Variants in RAB3C observed in about 807,000 individuals in gnomAD.
The protein encoded by RAB3C is RAB3C, member RAS oncogene family.
A neutral mutation model predicts 26.4 loss-of-function variants in RAB3C; 17 were observed. That is an observed-to-expected ratio of 0.64 (90% confidence interval 0.44 to 0.97). The LOEUF (loss-of-function observed/expected upper bound fraction) is 0.97, where lower values mean the gene tolerates loss of function less well. Among genes scored for constraint, RAB3C ranks in the 50% least tolerant of loss-of-function variants. RAB3C has a pLI of 0.00. For synonymous variants in RAB3C, 91 were observed against 95.9 expected (o/e 0.95, Z 0.30); for missense variants, 242 against 281.9 (o/e 0.86, Z 1.01).
At chr5:58,746,778 A>G (rs1187603441) in intron 3 of RAB3C, among the ~76,000 whole-genome samples, 2 of 152,234 alleles carry the variant, frequency 1.3e-5, no homozygotes, top group Admixed American at 6.5e-5. Flanking sequence ...AAATGTGGTG[A>G]CATATTCTGA....
At chr5:58,640,053 A>G (rs1209052167) in intron 2 of RAB3C, among the ~76,000 whole-genome samples, 1 of 152,186 alleles carries the variant, frequency 6.6e-6, no homozygotes. Flanking sequence ...TACTGCACAC[A>G]GGGGCATAAT....
At chr5:58,590,017 A>G (rs1263747438) in intron 1 of RAB3C, among the ~76,000 whole-genome samples, 3 of 152,196 alleles carry the variant, frequency 2.0e-5, no homozygotes, top group Non-Finnish European at 4.4e-5. Context: ...GACTGTCCAG[A>G]TCAAAGGCCA....
rs375014391 is a variant in RAB3C, at chr5:58,797,374, T to A, written c.372-27664T>A. ...AAAAAATATGTATATATATAATATA[T>A]ATATATATATATATATATATATACA... On this transcript the variant is annotated intron_variant, in intron 3 of 4. Coordinates refer to ENST00000282878, the MANE Select transcript of RAB3C (RefSeq NM_138453.4). Among the ~76,000 whole-genome samples the A allele has an allele frequency of 2.5e-3, 263 of 103,558 alleles. 3 individuals carry two copies. Among genetic ancestry groups the A allele is most frequent in the African/African-American group, 5.0e-3 (118 of 23,742 alleles). The allele number at this position is 103,558 out of a possible 152,430, so 67.9% of individuals were successfully genotyped here. A position where few individuals can be genotyped will look rare whatever the true frequency, so the allele number is the denominator to read the frequency against.
intron 3 of RAB3C, among the ~76,000 whole-genome samples, chr5:58,800,015 G>A (rs777073215): frequency 2.6e-5 from 4 of 152,174 alleles, no homozygotes; most frequent in Non-Finnish European, 5.9e-5. Flanking sequence ...TATATATGAA[G>A]TGATTAATCA....
At chr5:58,702,120 T>C (rs180684304) in intron 2 of RAB3C, among the ~76,000 whole-genome samples, 121 of 152,234 alleles carry the variant, frequency 7.9e-4, no homozygotes, top group Admixed American at 3.5e-3. Context: ...AAAATATATA[T>C]TTTACATCAT....
chr5:58,609,298 T>TTACATTTTACCTTCAGGAGCCC (rs1746641714), intron 1 of RAB3C, among the ~76,000 whole-genome samples: 3 of 152,114 alleles, frequency 2.0e-5, no homozygotes, highest in Non-Finnish European at 2.9e-5. Flanking sequence ...TTCATACTTT[T>TTACATTTTACCTTCAGGAGCCC]TACATTTTAC....
At chr5:58,807,734 A>T (rs1406254664) in intron 3 of RAB3C, among the ~76,000 whole-genome samples, 1 of 152,280 alleles carries the variant, frequency 6.6e-6, no homozygotes, top group South Asian at 2.1e-4. Flanking sequence ...TCCATATACC[A>T]TCACATTGGG....
At chr5:58,824,782 T>C (rs1439995103) in intron 3 of RAB3C, among the ~76,000 whole-genome samples, 1 of 152,194 alleles carries the variant, frequency 6.6e-6, no homozygotes, top group Non-Finnish European at 1.5e-5. Context: ...GAATCAGTAG[T>C]GGTATTAATC....
At chr5:58,711,854 A>G in intron 2 of RAB3C, among the ~76,000 whole-genome samples, 1 of 152,116 alleles carries the variant, frequency 6.6e-6, no homozygotes, top group South Asian at 2.1e-4. Flanking sequence ...CTCGGATACT[A>G]TAGTTTTAAA....
chr5:58,610,194 C>CTG (rs1168785442), intron 1 of RAB3C, among the ~76,000 whole-genome samples: 3,407 of 143,482 alleles, frequency 0.024, 131 homozygotes, highest in African/African-American at 0.08. Context: ...TTTTGTTTTT[C>CTG]TGTGTGTGTG....
At chr5:58,642,659 C>T (rs1479502936) in intron 2 of RAB3C, among the ~76,000 whole-genome samples, 1 of 152,188 alleles carries the variant, frequency 6.6e-6, no homozygotes, top group African/African-American at 2.4e-5. Flanking sequence ...GTGCTATTGA[C>T]TTGTGATGGA....
chr5:58,636,673 A>T (rs1747295926), intron 2 of RAB3C, among the ~76,000 whole-genome samples: 1 of 152,178 alleles, frequency 6.6e-6, no homozygotes, highest in South Asian at 2.1e-4. Flanking sequence ...AGAGGAACAA[A>T]ATGTGCCTGA....
At chr5:58,632,124 G>A (rs992290208) in intron 2 of RAB3C, among the ~76,000 whole-genome samples, 10 of 152,178 alleles carry the variant, frequency 6.6e-5, no homozygotes, top group African/African-American at 2.4e-4. Context: ...GTTTGCAGAT[G>A]GCCTGATCTC....
At chr5:58,777,452 T>C (rs1298822823) in intron 3 of RAB3C, among the ~76,000 whole-genome samples, 1 of 152,140 alleles carries the variant, frequency 6.6e-6, no homozygotes, top group South Asian at 2.1e-4. Flanking sequence ...TTACTTTTTT[T>C]AAGAAGCTTT....
intron 3 of RAB3C, among the ~76,000 whole-genome samples, chr5:58,804,347 TC>T (rs1333694550): frequency 1.3e-5 from 2 of 152,200 alleles, no homozygotes; most frequent in Non-Finnish European, 1.5e-5. Flanking sequence ...TCCTATTGCC[TC>T]CCCCAGGCCT....
intron 1 of RAB3C, among the ~76,000 whole-genome samples, chr5:58,616,588 G>T (rs1746829697): frequency 6.6e-6 from 1 of 152,140 alleles, no homozygotes; most frequent in African/African-American, 2.4e-5. Flanking sequence ...GTAATTGATT[G>T]TAGAGACCAT....
chr5:58,607,066 C>T (rs901013022), intron 1 of RAB3C, among the ~76,000 whole-genome samples: 11 of 152,092 alleles, frequency 7.2e-5, no homozygotes, highest in Non-Finnish European at 1.3e-4. Context: ...GAATGACTGA[C>T]GAGTTGACAG....
chr5:58,739,557 A>T (rs985226020), intron 3 of RAB3C, among the ~76,000 whole-genome samples: 6 of 152,204 alleles, frequency 3.9e-5, no homozygotes, highest in African/African-American at 1.4e-4. Flanking sequence ...TTAAAAAAAA[A>T]TTAGAAAAAA....
At chr5:58,839,349 T>TTTTATTTA (rs59909509) in intron 4 of RAB3C, among the ~76,000 whole-genome samples, 2,064 of 98,826 alleles carry the variant, frequency 0.021, 16 homozygotes, top group Non-Finnish European at 0.027. Context: ...TAAGTTTTTA[T>TTTTATTTA]TTTATTTATT....
Sources: gnomAD v4.1 joint callset for allele counts (sites outside exome capture counted in the v4.1 genomes callset) on GRCh38, gnomAD v4.1.1 for gene constraint, MANE v1.5 for transcripts, NCBI Gene and HGNC (gene_info 2026-07-23, HGNC 2026-07-21) for gene names.